The following AAMDC variants were observed in gnomAD, a reference collection of about 807,000 sequenced individuals.
The protein encoded by AAMDC is adipogenesis associated Mth938 domain containing.
A neutral mutation model predicts 15.5 loss-of-function variants in AAMDC; 16 were observed. The observed-to-expected ratio is 1.03, with a 90% CI of 0.70 to 1.57. The LOEUF (loss-of-function observed/expected upper bound fraction) is 1.57, where lower values mean the gene tolerates loss of function less well. AAMDC is among the 40% of genes most tolerant of loss of function. The pLI, the probability that AAMDC is intolerant of heterozygous loss-of-function variation, is 0.00. For missense variants in AAMDC, 141 were observed against 144.9 expected, an observed-to-expected ratio of 0.97 and a Z score of 0.14; for synonymous variants, 51 against 51.6, an observed-to-expected ratio of 0.99 and a Z score of 0.05.
intron 3 of AAMDC, chr11:77,870,023 A>C (rs971880049): frequency 2.5e-6 from 1 of 397,822 alleles, no homozygotes; most frequent in Non-Finnish European, 4.5e-6. Flanking sequence ...GTGTCATTTC[A>C]ACTATTTCTC....
At chr11:77,840,149 C>G (rs1949868910) in intron 1 of AAMDC, among the ~76,000 whole-genome samples, 1 of 151,918 alleles carries the variant, frequency 6.6e-6, no homozygotes, top group Admixed American at 6.6e-5. Context: ...GATTAATGCA[C>G]AATATACCCT....
chr11:77,834,572 G>A (rs373866546), intron 1 of AAMDC, among the ~76,000 whole-genome samples: 25 of 149,862 alleles, frequency 1.7e-4, no homozygotes, highest in East Asian at 9.9e-4. Context: ...ATACCACCTC[G>A]TTCAGCTAAT....
intron 1 of AAMDC, among the ~76,000 whole-genome samples, chr11:77,831,363 G>A (rs1440577611): frequency 6.6e-6 from 1 of 152,106 alleles, no homozygotes; most frequent in Non-Finnish European, 1.5e-5. Context: ...AGAAAAATGA[G>A]CATATGTCCA....
intron 5 of AAMDC, among the ~76,000 whole-genome samples, chr11:77,881,146 C>T (rs1385315530): frequency 1.3e-5 from 2 of 152,172 alleles, no homozygotes; most frequent in African/African-American, 4.8e-5. Context: ...TCTAGGATAA[C>T]TCAAGCAACT....
intron 1 of AAMDC, among the ~76,000 whole-genome samples, chr11:77,834,771 T>A (rs1025375754): frequency 1.1e-4 from 16 of 152,174 alleles, no homozygotes; most frequent in African/African-American, 3.9e-4. Flanking sequence ...AATAAGTACT[T>A]GCAGAAGAAT....
intron 1 of AAMDC, among the ~76,000 whole-genome samples, chr11:77,836,589 A>C (rs1020652193): frequency 6.6e-5 from 10 of 152,224 alleles, no homozygotes; most frequent in African/African-American, 2.4e-4. Context: ...AAGCCCTATC[A>C]GACTAATAAA....
chr11:77,852,599 T>C (rs1396003730), intron 2 of AAMDC, among the ~76,000 whole-genome samples: 1 of 152,088 alleles, frequency 6.6e-6, no homozygotes, highest in Non-Finnish European at 1.5e-5. Flanking sequence ...CCAAACCATA[T>C]CATAGATACA....
intron 1 of AAMDC, among the ~76,000 whole-genome samples, chr11:77,840,578 A>G (rs1168851347): frequency 1.3e-5 from 2 of 152,218 alleles, no homozygotes; most frequent in African/African-American, 4.8e-5. Flanking sequence ...ATAAAATTCT[A>G]ATAAAAACAT....
chr11:77,893,132 C>T (rs999575820), intron 5 of AAMDC, among the ~76,000 whole-genome samples: 1 of 152,198 alleles, frequency 6.6e-6, no homozygotes, highest in Admixed American at 6.5e-5. Flanking sequence ...TGCCAGCATA[C>T]CAGAAGTCTG....
intron 5 of AAMDC, among the ~76,000 whole-genome samples, chr11:77,894,908 C>A (rs1328400244): frequency 1.3e-5 from 2 of 152,154 alleles, no homozygotes; most frequent in African/African-American, 4.8e-5. Context: ...GGTCTACATG[C>A]AATTTACTCA....
At chr11:77,831,641 A>G (rs1949429151) in intron 1 of AAMDC, among the ~76,000 whole-genome samples, 1 of 150,934 alleles carries the variant, frequency 6.6e-6, no homozygotes, top group African/African-American at 2.4e-5. Flanking sequence ...ATGGGATGTA[A>G]TTTCTTCCAC....
chr11:77,882,089 T>C (rs1359938674), intron 5 of AAMDC, among the ~76,000 whole-genome samples: 1 of 152,110 alleles, frequency 6.6e-6, no homozygotes, highest in Non-Finnish European at 1.5e-5. Flanking sequence ...CTTTTTTATA[T>C]ATCTATTGTA....
At chr11:77,840,851 T>G (rs995284419) in intron 1 of AAMDC, among the ~76,000 whole-genome samples, 2 of 152,200 alleles carry the variant, frequency 1.3e-5, no homozygotes, top group African/African-American at 4.8e-5. Flanking sequence ...AAACAACTTT[T>G]CCCCCTGAAA....
At position 77,827,638 on chromosome 11, in the gene AAMDC, G is replaced by C. The variant is rs1949240028; in HGVS notation, c.-19+6397G>C. 3.9e-5 allele frequency among the ~76,000 whole-genome samples: 6 copies of C among 152,176 alleles called. No individual in the cohort carries two copies. The South Asian group carries it at 1.2e-3, about 31-fold the overall frequency. ...AAGGGAACTTTTTCAGCCTGATTAA[G>C]AGCATTATGAAAAACCCATGCCTAA... On this transcript the variant is annotated intron_variant, in intron 1 of 3. Coordinates refer to ENST00000393427, the MANE Select transcript of AAMDC (RefSeq NM_024684.4).
At chr11:77,839,740 GT>G (rs1215862997) in intron 1 of AAMDC, among the ~76,000 whole-genome samples, 5 of 152,090 alleles carry the variant, frequency 3.3e-5, no homozygotes, top group Admixed American at 1.3e-4. Context: ...AACAGCACAT[GT>G]TCTCACTTAT....
At chr11:77,821,417 T>C (rs67606281) in intron 1 of AAMDC, among the ~76,000 whole-genome samples, 176 bp downstream of exon 1, 26,904 of 151,998 alleles carry the variant, frequency 0.18, 2,981 homozygotes, top group African/African-American at 0.29. Context: ...CTCGGTAAGA[T>C]GTCTCTGTGG....
At chr11:77,827,852 T>C (rs1294301167) in intron 1 of AAMDC, among the ~76,000 whole-genome samples, 2 of 152,186 alleles carry the variant, frequency 1.3e-5, no homozygotes, top group African/African-American at 2.4e-5. Flanking sequence ...TTACTGATCT[T>C]GTATGTAGGA....
At chr11:77,844,709 C>A (rs1265698758) in intron 2 of AAMDC, among the ~76,000 whole-genome samples, 1 of 152,040 alleles carries the variant, frequency 6.6e-6, no homozygotes. Context: ...GCTCTTAGGA[C>A]CATTTCCAGA....
At chr11:77,848,395 G>A (rs973992709) in intron 2 of AAMDC, among the ~76,000 whole-genome samples, 6 of 151,556 alleles carry the variant, frequency 4.0e-5, no homozygotes, top group African/African-American at 1.5e-4. Flanking sequence ...GTCTTGCTCT[G>A]TCACCCAGGC....
Sources: allele counts gnomAD v4.1 joint callset (sites outside exome capture counted in the v4.1 genomes callset), GRCh38; gene constraint gnomAD v4.1.1; transcripts MANE v1.5; gene names NCBI Gene and HGNC (gene_info 2026-07-23, HGNC 2026-07-21).